SPIRE2: variants seen among roughly 807,000 people sequenced by gnomAD.
SPIRE2 encodes protein spire homolog 2.
A neutral mutation model predicts 80.7 loss-of-function variants in SPIRE2; 76 were observed. The ratio of observed to expected loss-of-function variants is 0.94; its 90% CI spans 0.78 to 1.14. SPIRE2 has a LOEUF of 1.14. Among genes scored for constraint, SPIRE2 ranks in the 50% most tolerant of loss-of-function variants. The pLI is 0.00. For missense variants in SPIRE2, 1,196 were observed against 1,015.3 expected, an observed-to-expected ratio of 1.18 and a Z score of -2.42; for synonymous variants, 535 against 432.6, an observed-to-expected ratio of 1.24 and a Z score of -2.94.
intron 12 of SPIRE2, among the ~76,000 whole-genome samples, chr16:89,865,544 GAACA>G (rs1360538007): frequency 1.3e-5 from 2 of 151,966 alleles, no homozygotes; most frequent in Admixed American, 6.6e-5. Flanking sequence ...AAAAGAAGGA[GAACA>G]AACAAATGAG....
Position 89,857,224 on chromosome 16 carries a change from C to T in SPIRE2, c.1102+988C>T, listed in dbSNP as rs188728478. ...CCATTATAGTTCACTGCAGCCTCAA[C>T]CTCTCAGGCTCAAGCAATCCTCCCA... On this transcript the variant is annotated intron_variant, in intron 7 of 14. Transcript: ENST00000378247. 2.6e-3 allele frequency among the ~76,000 whole-genome samples: 391 copies of T among 148,276 alleles called. 1 individual carries two copies. Among genetic ancestry groups the T allele is most frequent in the Admixed American group, 8.1e-3 (118 of 14,580 alleles).
chr16:89,843,185 G>A (rs1838795686), intron 1 of SPIRE2, among the ~76,000 whole-genome samples: 2 of 152,102 alleles, frequency 1.3e-5, no homozygotes, highest in South Asian at 4.1e-4. Context: ...GAGGGTTGGG[G>A]AGCACAGACC....
chr16:89,842,229 T>TTTTTTC (rs1299656862), intron 1 of SPIRE2, among the ~76,000 whole-genome samples: 1 of 137,372 alleles, frequency 7.3e-6, no homozygotes, highest in African/African-American at 3.0e-5. Context: ...TTTTTTTTTT[T>TTTTTTC]TGTGACGGAG....
chr16:89,864,966 G>A (rs2041776281), intron 12 of SPIRE2, among the ~76,000 whole-genome samples: 1 of 151,670 alleles, frequency 6.6e-6, no homozygotes, highest in Admixed American at 6.6e-5. Context: ...TAGCATGAAG[G>A]TCAGGGAGAG....
At chr16:89,832,789 G>A (rs1458961628) in intron 1 of SPIRE2, among the ~76,000 whole-genome samples, 1 of 152,076 alleles carries the variant, frequency 6.6e-6, no homozygotes, top group South Asian at 2.1e-4. Flanking sequence ...CCATGCTCTT[G>A]TTTGCTCCTC....
chr16:89,831,101 G>T (rs2041376400), intron 1 of SPIRE2, among the ~76,000 whole-genome samples: 1 of 150,402 alleles, frequency 6.6e-6, no homozygotes, highest in Non-Finnish European at 1.5e-5. Flanking sequence ...AGTAGAGACG[G>T]GGTTTCACCG....
intron 2 of SPIRE2, chr16:89,850,000 G>A: frequency 4.4e-6 from 2 of 455,668 alleles, no homozygotes; most frequent in Non-Finnish European, 8.3e-6. Context: ...ACCACGCCCA[G>A]CTAATTTTTG....
At chr16:89,866,345 G>A (rs1332219700) in intron 12 of SPIRE2, among the ~76,000 whole-genome samples, 4 of 151,704 alleles carry the variant, frequency 2.6e-5, no homozygotes, top group African/African-American at 7.3e-5. Flanking sequence ...TTGCCCAGTC[G>A]GAAGTGCAAT....
At chr16:89,857,120 T>C (rs1296925014) in intron 7 of SPIRE2, among the ~76,000 whole-genome samples, 1 of 147,638 alleles carries the variant, frequency 6.8e-6, no homozygotes, top group African/African-American at 2.5e-5. Context: ...TACAAGGCCA[T>C]TGGAATTTCC....
Position 89,863,660 on chromosome 16 carries a change from C to T in SPIRE2, c.1710+50C>T, listed in dbSNP as rs754556365. 3.7e-6 allele frequency: 6 copies of T among 1,613,436 alleles called. No individual in the cohort carries two copies. In the African/African-American group the frequency reaches 4.0e-5, roughly 11 times the overall value. On this transcript the variant is annotated intron_variant, in intron 11 of 14. Transcript: ENST00000378247. This position sits in a 1 kb window ranked among gnomAD's most constrained non-coding sequence, Gnocchi z 4.3. ...ACGCTCTTGCCCGCTGGGTCAGGGG[C>T]GGGTGCCGAGAGGGCCAGTTCCCAG... is the stretch of plus-strand genomic sequence containing the variant.
chr16:89,858,176 C>T (rs1257186186), intron 7 of SPIRE2, among the ~76,000 whole-genome samples, 162 bp from the exon 8 acceptor site: 3 of 152,202 alleles, frequency 2.0e-5, no homozygotes, highest in African/African-American at 4.8e-5. Context: ...TGAGCCACCG[C>T]GCCCGGCCTA....
intron 12 of SPIRE2, among the ~76,000 whole-genome samples, chr16:89,867,114 T>G (rs900084701): frequency 2.0e-5 from 3 of 148,276 alleles, no homozygotes; most frequent in East Asian, 2.0e-4. Context: ...AGTGTGCAAG[T>G]TTTTTTTTTG....
intron 1 of SPIRE2, among the ~76,000 whole-genome samples, chr16:89,833,604 G>T (rs2041409757): frequency 6.6e-6 from 1 of 152,264 alleles, no homozygotes; most frequent in Non-Finnish European, 1.5e-5. Flanking sequence ...TCGCCTTTGT[G>T]CCTCGGTTTC....
In SPIRE2 at chr16:89,863,272, C is replaced by T; in HGVS notation, c.1576-204C>T. The T allele has an allele frequency of 1.6e-6, 1 of 614,892 alleles. No individual in the cohort carries two copies. Among genetic ancestry groups the T allele is most frequent in the East Asian group, 2.8e-5 (1 of 35,346 alleles). The allele number at this position is 614,892 out of a possible 1,614,324, so 38.1% of individuals were successfully genotyped here. ...GGGCTGGCCGGCAGGGTCCGCTGGT[C>T]ATGGGAGGCCTGGCCTGCAGCAGCA... On this transcript the variant is annotated intron_variant, in intron 10 of 14. Coordinates refer to ENST00000378247, the MANE Select transcript of SPIRE2 (RefSeq NM_032451.2). The surrounding 1 kb of genome is among the most constrained non-coding windows in gnomAD (Gnocchi z 4.3).
intron 14 of SPIRE2, 103 bp downstream of exon 14, chr16:89,869,785 A>G: frequency 2.3e-6 from 2 of 887,446 alleles, no homozygotes; most frequent in South Asian, 2.8e-5. Flanking sequence ...TTGCTAGGAC[A>G]CCCCAAGGAA....
intron 7 of SPIRE2, among the ~76,000 whole-genome samples, chr16:89,857,952 G>A (rs1203105169): frequency 2.2e-5 from 3 of 136,768 alleles, no homozygotes; most frequent in Non-Finnish European, 3.1e-5. Flanking sequence ...GCGTGATCTC[G>A]GCTCACTGCA....
At chr16:89,838,895 C>T (rs1484915757) in intron 1 of SPIRE2, among the ~76,000 whole-genome samples, 2 of 151,556 alleles carry the variant, frequency 1.3e-5, no homozygotes, top group Non-Finnish European at 2.9e-5. Context: ...TGCCCAGTGT[C>T]CCTGTGTGCA....
intron 2 of SPIRE2, 191 bp downstream of exon 2, chr16:89,845,556 C>T (rs2041550825): frequency 4.2e-6 from 3 of 717,506 alleles, no homozygotes; most frequent in South Asian, 2.9e-5. Flanking sequence ...TGGAGGAGAC[C>T]GCCGGGGTGG....
At chr16:89,842,208 ATTTTTTTTT>A (rs71137682) in intron 1 of SPIRE2, among the ~76,000 whole-genome samples, 6 of 81,306 alleles carry the variant, frequency 7.4e-5, no homozygotes, top group African/African-American at 3.7e-4. Context: ...TGAACACGTA[ATTTTTTTTT>A]TTTTTTTTTT....
Sources: gnomAD v4.1 joint callset for allele counts (sites outside exome capture counted in the v4.1 genomes callset) on GRCh38, gnomAD v4.1.1 for gene constraint, Gnocchi (gnomAD v3.1) non-coding constraint, MANE v1.5 for transcripts, NCBI Gene and HGNC (gene_info 2026-07-23, HGNC 2026-07-21) for gene names.